Variants in PRDM5 observed in about 807,000 individuals in gnomAD.
PRDM5 encodes PR/SET domain 5, also known as PR domain zinc finger protein 5.
A neutral mutation model predicts 81.2 loss-of-function variants in PRDM5; 56 were observed. That is an observed-to-expected ratio of 0.69 (90% CI 0.56 to 0.86). PRDM5 has a LOEUF of 0.86. PRDM5 is among the 40% of genes least tolerant of loss of function. The pLI is 0.00. For synonymous variants in PRDM5, 267 were observed against 256.4 expected, an observed-to-expected ratio of 1.04 and a Z score of -0.39; for missense variants, 697 against 770.1, an observed-to-expected ratio of 0.91 and a Z score of 1.12.
At chr4:120,885,301 T>G (rs910773168) in intron 2 of PRDM5, among the ~76,000 whole-genome samples, 1 of 152,094 alleles carries the variant, frequency 6.6e-6, no homozygotes, top group African/African-American at 2.4e-5. Context: ...TACCTGCCAC[T>G]AGCTTGAGGA....
intron 14 of PRDM5, among the ~76,000 whole-genome samples, chr4:120,724,306 G>T (rs1739081881): frequency 6.6e-6 from 1 of 152,180 alleles, no homozygotes; most frequent in South Asian, 2.1e-4. Context: ...TCCTCAAGAA[G>T]AGTACAATGG....
intron 1 of PRDM5, among the ~76,000 whole-genome samples, chr4:120,913,311 T>A (rs1766727995): frequency 6.6e-6 from 1 of 152,176 alleles, no homozygotes; most frequent in Admixed American, 6.5e-5. Flanking sequence ...CCAAGAGAAT[T>A]GCAAAGACTT....
chr4:120,763,290 A>T (rs1330696531), intron 13 of PRDM5, among the ~76,000 whole-genome samples: 2 of 152,106 alleles, frequency 1.3e-5, no homozygotes, highest in Non-Finnish European at 2.9e-5. Context: ...ACTGATGCAA[A>T]TTTTTTTAAA....
At chr4:120,723,096 C>T (rs549901418) in intron 14 of PRDM5, among the ~76,000 whole-genome samples, 2 of 152,296 alleles carry the variant, frequency 1.3e-5, no homozygotes, top group South Asian at 2.1e-4. Flanking sequence ...ATTCTAATGG[C>T]CCTATCCTAG....
chr4:120,816,887 A>T lies in PRDM5; in HGVS notation c.688T>A (p.Ser230Thr), dbSNP rs758118993. 4 of 1,613,692 alleles carry T rather than the reference A, an allele frequency of 2.5e-6. No individual in the cohort carries two copies. In the South Asian group the frequency reaches 3.3e-5, roughly 13 times the overall value. The change falls in exon 6 of 16, where the codon TCT (serine) becomes ACT (threonine). Residue 230 changes from serine (S) to threonine (T), a missense_variant. By Grantham distance (58) the Ser-to-Thr change is moderately conservative (BLOSUM62 1). This residue lies in a region of PRDM5 where 577 missense variants were observed against 606.7 expected (regional missense o/e 0.95). Coordinates refer to ENST00000264808, the MANE Select transcript of PRDM5 (RefSeq NM_018699.4). ...ACAGAGCACTGAAAACTTCGCGAAG[A>T]CTCCTTTAGACTGCTTTTCGCTGTG... ...QCTAKSSLKE[S>T]SRSFQCSVCN...
At chr4:120,727,781 C>CA (rs1241065605) in intron 14 of PRDM5, among the ~76,000 whole-genome samples, 6 of 151,770 alleles carry the variant, frequency 4.0e-5, no homozygotes, top group South Asian at 2.1e-4. Flanking sequence ...ACTAAAAATA[C>CA]AAAAAAATTA....
chr4:120,759,106 C>T (rs1745223167), intron 13 of PRDM5, among the ~76,000 whole-genome samples: 1 of 152,134 alleles, frequency 6.6e-6, no homozygotes, highest in Admixed American at 6.5e-5. Flanking sequence ...GATATCTACA[C>T]ATGTTGCCCA....
At chr4:120,897,081 T>C (rs1013546271) in intron 2 of PRDM5, 1 of 151,918 alleles carries the variant, frequency 6.6e-6, no homozygotes, top group Non-Finnish European at 1.5e-5. Flanking sequence ...GTACCCTCAT[T>C]TGAAGAATGA....
At chr4:120,706,374 A>C (rs1372596629) in intron 15 of PRDM5, among the ~76,000 whole-genome samples, 1 of 152,112 alleles carries the variant, frequency 6.6e-6, no homozygotes, top group Non-Finnish European at 1.5e-5. Context: ...ATCATTCATG[A>C]CTTAGGGGAA....
intron 14 of PRDM5, among the ~76,000 whole-genome samples, chr4:120,724,934 C>A (rs189622441): frequency 3.2e-4 from 48 of 152,236 alleles, no homozygotes; most frequent in Admixed American, 2.2e-3. Context: ...CGCACAGATG[C>A]AAGGAGGTAG....
chr4:120,810,137 C>G (rs1753623467), intron 8 of PRDM5, among the ~76,000 whole-genome samples: 1 of 152,210 alleles, frequency 6.6e-6, no homozygotes, highest in South Asian at 2.1e-4. Context: ...CCCCCACCCC[C>G]TGGTCCTTGG....
Position 120,922,427 on chromosome 4 carries a change from C to G in PRDM5, c.93+89G>C, listed in dbSNP as rs993344293. On this transcript the variant is annotated intron_variant, in intron 1 of 15. Transcript: ENST00000264808. ...CGAGGGGCGACCGGGGTGAAGCCCG[C>G]CGCGCCCCGGGCCCTGCGGCAGGGC... 7.5e-6 allele frequency: 9 copies of G among 1,207,922 alleles called. No homozygotes were observed. The African/African-American group carries it at 1.4e-4, about 19-fold the overall frequency. 74.8% of individuals were successfully genotyped at this position (1,207,922 alleles called of 1,614,324 possible).
rs147906830 is a variant in PRDM5, at chr4:120,805,999, G to T, written c.945+5371C>A. Among the ~76,000 whole-genome samples, 314 of 152,274 alleles carry T rather than the reference G, an allele frequency of 2.1e-3. 1 individual carries two copies. Among genetic ancestry groups the T allele is most frequent in the African/African-American group, 7.2e-3 (299 of 41,558 alleles). On this transcript the variant is annotated intron_variant, in intron 8 of 15. Transcript: ENST00000264808. ...CTTAAGCTAATAAGCAACTTCAGCA[G>T]TCTCAGGATACAAAATCAAAGTGCA...
chr4:120,891,136 A>G (rs1763998349), intron 2 of PRDM5, among the ~76,000 whole-genome samples: 1 of 152,202 alleles, frequency 6.6e-6, no homozygotes, highest in African/African-American at 2.4e-5. Context: ...ATCTGGCAGA[A>G]TTTGATTGTG....
intron 4 of PRDM5, among the ~76,000 whole-genome samples, chr4:120,818,960 A>C (rs1754908579): frequency 6.6e-6 from 1 of 152,252 alleles, no homozygotes. Flanking sequence ...CCAAGGTCAT[A>C]AAAACAGTGC....
intron 7 of PRDM5, among the ~76,000 whole-genome samples, chr4:120,815,563 G>C (rs1754376251): frequency 6.6e-6 from 1 of 152,230 alleles, no homozygotes; most frequent in Non-Finnish European, 1.5e-5. Flanking sequence ...GGATACAGAT[G>C]CTGGGTGCAG....
chr4:120,906,900 T>C (rs1330667377), intron 2 of PRDM5, among the ~76,000 whole-genome samples: 1 of 151,544 alleles, frequency 6.6e-6, no homozygotes, highest in Non-Finnish European at 1.5e-5. Context: ...ATGCTTATTT[T>C]GAAAGTCAAA....
intron 14 of PRDM5, among the ~76,000 whole-genome samples, chr4:120,731,305 G>A (rs1472838662): frequency 1.3e-5 from 2 of 151,784 alleles, no homozygotes; most frequent in African/African-American, 2.4e-5. Flanking sequence ...TCCCTCACCC[G>A]GCTATGAGAT....
downstream of PRDM5, among the ~76,000 whole-genome samples, chr4:120,690,356 C>T (rs1161308767): frequency 2.0e-5 from 3 of 151,984 alleles, no homozygotes; most frequent in Non-Finnish European, 4.4e-5. Flanking sequence ...GAAGGGCCTC[C>T]AATACAAGCT....
Sources: gnomAD v4.1 joint callset for allele counts (sites outside exome capture counted in the v4.1 genomes callset) on GRCh38, gnomAD v4.1.1 for gene constraint, gnomAD v4.1.1 regional missense constraint, MANE v1.5 for transcripts, NCBI Gene and HGNC (gene_info 2026-07-23, HGNC 2026-07-21) for gene names.